Variants in IFI44L observed in about 807,000 individuals in gnomAD.
IFI44L encodes the protein interferon induced protein 44 like.
A neutral mutation model predicts 39.3 loss-of-function variants in IFI44L; 40 were observed. The ratio of observed to expected loss-of-function variants is 1.02; its 90% CI spans 0.79 to 1.33. The LOEUF is 1.33. IFI44L is among the 40% of genes most tolerant of loss of function. The pLI, the probability that IFI44L is intolerant of heterozygous loss-of-function variation, is 0.00. For synonymous variants in IFI44L, 198 were observed against 182.3 expected, an observed-to-expected ratio of 1.09 and a Z score of -0.69; for missense variants, 623 against 549.0, an observed-to-expected ratio of 1.13 and a Z score of -1.35.
Position 78,628,804 on chromosome 1 carries a change from C to T in IFI44L, c.479-147C>T, listed in dbSNP as rs1324379009. ...GAGAGGATAATTTTTCCTCCTCTTCCTCTCATGTTGCCAACTCTGACTCCT... is the reference window on the plus strand; with the variant it reads ...GAGAGGATAATTTTTCCTCCTCTTCTTCTCATGTTGCCAACTCTGACTCCT... On this transcript the variant is annotated intron_variant, in intron 2 of 8. Coordinates refer to ENST00000370751, the MANE Select transcript of IFI44L (RefSeq NM_006820.4). The T allele has an allele frequency of 9.9e-6, 6 of 605,136 alleles. No homozygotes were observed. The Admixed American group carries it at 1.9e-4, about 19-fold the overall frequency. 37.5% of individuals were successfully genotyped at this position (605,136 alleles called of 1,614,324 possible).
chr1:78,620,512 C>T lies in IFI44L; in HGVS notation c.-70C>T, dbSNP rs1421873622. ...TTTCTGTCTCCAAACCGTGGCTGCT[C>T]GATAAATCAGACAGAACAGTTAATC... is the stretch of plus-strand genomic sequence containing the variant. On this transcript the variant is annotated 5_prime_UTR_variant, in exon 1 of 9. Transcript: ENST00000370751. 3 of 152,136 alleles carry T rather than the reference C, an allele frequency of 2.0e-5. No individual in the cohort carries two copies. Among genetic ancestry groups the T allele is most frequent in the East Asian group, 1.9e-4 (1 of 5,200 alleles). 9.4% of individuals were successfully genotyped at this position (152,136 alleles called of 1,614,324 possible).
chr1:78,624,948 T>C (rs1465011757), intron 1 of IFI44L, among the ~76,000 whole-genome samples: 1 of 152,158 alleles, frequency 6.6e-6, no homozygotes, highest in Admixed American at 6.5e-5. Context: ...AAAGGTACCC[T>C]TATTATCACT....
chr1:78,642,720 T>G lies in IFI44L; in HGVS notation c.*911T>G, dbSNP rs1647002460. 1 of 152,188 alleles carries G rather than the reference T, an allele frequency of 6.6e-6. No individual in the cohort carries two copies. Among genetic ancestry groups the G allele is most frequent in the South Asian group, 2.1e-4 (1 of 4,838 alleles). 9.4% of individuals were successfully genotyped at this position (152,188 alleles called of 1,614,324 possible). On this transcript the variant is annotated 3_prime_UTR_variant, in exon 9 of 9. Transcript: ENST00000370751. The stretch of plus-strand genomic sequence containing the variant: ...TATGAATGACTCTAAGTAATTGAAT[T>G]AATTAAAATGAGCCAACTTTTTTTT...
At chr1:78,635,031 TA>T in intron 4 of IFI44L, among the ~76,000 whole-genome samples, 2 of 53,718 alleles carry the variant, frequency 3.7e-5, no homozygotes, top group African/African-American at 1.2e-4. Flanking sequence ...TATGTGTATA[TA>T]TATATATATA....
rs930960586 is a variant in IFI44L at position 78,641,374 on chromosome 1, A to T, written c.1150-61A>T. The stretch of plus-strand genomic sequence containing the variant: ...GGTTTCTTTCTTAAATTGTATTTAA[A>T]ATTGGTCAAATTTCAAATATTAAAT... On this transcript the variant is annotated intron_variant, in intron 7 of 8. Coordinates refer to ENST00000370751, the MANE Select transcript of IFI44L (RefSeq NM_006820.4). The T allele has an allele frequency of 6.1e-6, 9 of 1,473,510 alleles. No individual in the cohort carries two copies. The African/African-American group carries it at 1.3e-4, about 21-fold the overall frequency. The allele number at this position is 1,473,510 out of a possible 1,614,324, so 91.3% of individuals were successfully genotyped here.
chr1:78,628,258 C>T lies in IFI44L; in HGVS notation c.343C>T (p.Arg115Cys), dbSNP rs377482572. The T allele has an allele frequency of 3.2e-5, 51 of 1,610,834 alleles. No homozygotes were observed. The East Asian group carries it at 6.7e-4, about 21-fold the overall frequency. ...PKIIDEQLVCRLSKTDIFIIC... is the reference protein window; with the variant it reads ...PKIIDEQLVCCLSKTDIFIIC... ...AATTATTGATGAGCAACTGGTGTGT[C>T]GTTTATCGAAAACGGATATTTTCAT... is the stretch of plus-strand genomic sequence containing the variant. The change falls in exon 2 of 9, where the codon CGT becomes TGT. Residue 115 changes from arginine to cysteine, a missense_variant. Arg to Cys is a radical substitution (Grantham distance 180). Coordinates refer to ENST00000370751, the MANE Select transcript of IFI44L (RefSeq NM_006820.4).
chr1:78,628,304 T>G lies in IFI44L; in HGVS notation c.389T>G (p.Ile130Ser). ...TTCATTATATGTCGAGATAATAAAATTTATCTAGATAAAATGATAACAAGA... is the reference window on the plus strand; with the variant it reads ...TTCATTATATGTCGAGATAATAAAAGTTATCTAGATAAAATGATAACAAGA... ...DIFIICRDNK[I>S]YLDKMITRNL... The change falls in exon 2 of 9, where the codon ATT (isoleucine) becomes AGT (serine). Residue 130 changes from isoleucine (I) to serine (S), a missense_variant. Transcript: ENST00000370751. 1 of 1,602,938 alleles carries G rather than the reference T, an allele frequency of 6.2e-7. No individual in the cohort carries two copies. Among genetic ancestry groups the G allele is most frequent in the Non-Finnish European group, 8.5e-7 (1 of 1,172,030 alleles).
intron 1 of IFI44L, 195 bp downstream of exon 1, chr1:78,620,766 T>G (rs1412717740): frequency 6.6e-6 from 1 of 152,196 alleles, no homozygotes; most frequent in Non-Finnish European, 1.5e-5. Context: ...GACAATAAAT[T>G]ATTGTTAACT....
chr1:78,631,899 G>A (rs2100491824), intron 4 of IFI44L, among the ~76,000 whole-genome samples: 1 of 152,122 alleles, frequency 6.6e-6, no homozygotes, highest in Non-Finnish European at 1.5e-5. Context: ...ACTACTAGTA[G>A]TCACTGTATT....
intron 3 of IFI44L, 25 bp from the exon 4 acceptor site, chr1:78,629,695 G>T (rs868389496): frequency 1.9e-6 from 3 of 1,570,308 alleles, no homozygotes; most frequent in Middle Eastern, 1.7e-4. Context: ...TTCTGATGCT[G>T]TATTTAACCA....
chr1:78,624,368 C>T (rs968035767), intron 1 of IFI44L, among the ~76,000 whole-genome samples: 3 of 152,150 alleles, frequency 2.0e-5, no homozygotes, highest in Non-Finnish European at 2.9e-5. Context: ...TAGTTTAATT[C>T]TCACATCCTT....
At chr1:78,640,612 G>A (rs1646971431) in intron 6 of IFI44L, among the ~76,000 whole-genome samples, 1 of 152,114 alleles carries the variant, frequency 6.6e-6, no homozygotes, top group South Asian at 2.1e-4. Flanking sequence ...GGAGAAAGGA[G>A]TAGGTCCCTA....
At chr1:78,640,209 A>T (rs1445216734) in intron 6 of IFI44L, among the ~76,000 whole-genome samples, 2 of 152,162 alleles carry the variant, frequency 1.3e-5, no homozygotes, top group Non-Finnish European at 2.9e-5. Flanking sequence ...AATGCAACTT[A>T]GTGTGCTGAC....
intron 4 of IFI44L, among the ~76,000 whole-genome samples, chr1:78,633,599 G>C (rs1479369018): frequency 6.6e-6 from 1 of 152,064 alleles, no homozygotes; most frequent in Non-Finnish European, 1.5e-5. Flanking sequence ...CCAGACAAAG[G>C]CAATCTGCAA....
intron 4 of IFI44L, among the ~76,000 whole-genome samples, chr1:78,633,703 G>A (rs1368864629): frequency 6.6e-6 from 1 of 152,142 alleles, no homozygotes; most frequent in Non-Finnish European, 1.5e-5. Context: ...CGTCAGTAAA[G>A]AGAGAAAATA....
Position 78,628,353 on chromosome 1 carries a change from C to A in IFI44L, c.438C>A (p.Gly146=), listed in dbSNP as rs1652583789. 1 of 1,588,804 alleles carries A rather than the reference C, an allele frequency of 6.3e-7. No homozygotes were observed. Among genetic ancestry groups the A allele is most frequent in the Admixed American group, 1.8e-5 (1 of 55,698 alleles). The part of the protein sequence containing the change: ...ITRNLKLRFY[G]HRQYLECEVF... Reference sequence around the variant, plus strand: ...GAAACTTGAAACTAAGGTTTTATGGCCACCGTCAGTATTTGGAATGTGAAG... The same window carrying A: ...GAAACTTGAAACTAAGGTTTTATGGACACCGTCAGTATTTGGAATGTGAAG... The change falls in exon 2 of 9, where the codon GGC becomes GGA. Residue 146 remains glycine, a synonymous_variant. Transcript: ENST00000370751.
At chr1:78,623,866 T>C (rs1489266192) in intron 1 of IFI44L, among the ~76,000 whole-genome samples, 2 of 152,118 alleles carry the variant, frequency 1.3e-5, no homozygotes, top group African/African-American at 4.8e-5. Flanking sequence ...TCCTCTGCCT[T>C]TTTGCTCTAT....
chr1:78,634,807 T>G (rs2100497302), intron 4 of IFI44L, among the ~76,000 whole-genome samples: 1 of 151,318 alleles, frequency 6.6e-6, no homozygotes, highest in South Asian at 2.1e-4. Flanking sequence ...GTGCAAACTG[T>G]GGGGAGGAGT....
rs1167494480 is a variant in IFI44L, at chr1:78,643,871, AG to A, written c.*2064del. 1 of 152,148 alleles carries A rather than the reference AG, an allele frequency of 6.6e-6. No homozygotes were observed. Among genetic ancestry groups the A allele is most frequent in the Non-Finnish European group, 1.5e-5 (1 of 68,016 alleles). The allele number at this position is 152,148 out of a possible 1,614,324, so 9.4% of individuals were successfully genotyped here. On this transcript the variant is annotated 3_prime_UTR_variant, in exon 9 of 9. Transcript: ENST00000370751. ...GACTTTTAGGCAGTAAGAAACTATA[AG>A]GAAAGGAGCTAACAGTCATGCTGTA...
Sources: allele counts gnomAD v4.1 joint callset (sites outside exome capture counted in the v4.1 genomes callset), GRCh38; gene constraint gnomAD v4.1.1; transcripts MANE v1.5; gene names NCBI Gene and HGNC (gene_info 2026-07-23, HGNC 2026-07-21).